The following PXN variants were observed in gnomAD, a reference collection of about 807,000 sequenced individuals.
The protein encoded by PXN is paxillin.
A neutral mutation model predicts 103.6 loss-of-function variants in PXN; 61 were observed. The ratio of observed to expected loss-of-function variants is 0.59; its 90% confidence interval spans 0.48 to 0.73. PXN has a LOEUF of 0.73. Ranked by LOEUF, PXN falls within the 30% of genes least tolerant of loss-of-function variation. The pLI, the probability that PXN is intolerant of heterozygous loss-of-function variation, is 0.00. For synonymous variants in PXN, 562 were observed against 607.8 expected (o/e 0.92, Z 1.11); for missense variants, 1,274 against 1,460.3 (o/e 0.87, Z 2.08).
chr12:120,245,675 C>G (rs1471866220), intron 1 of PXN, among the ~76,000 whole-genome samples: 1 of 150,266 alleles, frequency 6.7e-6, no homozygotes, highest in Non-Finnish European at 1.5e-5. Flanking sequence ...GTAGTCCCAG[C>G]TACTTGGGAG....
Position 120,216,541 on chromosome 12 carries a change from GTTC to G in PXN, c.2030_2032del (p.Arg677del), listed in dbSNP as rs1566364326. ...AGAAGGAGAAGCCAGGACAGAGATG[GTTC>G]TTCTCAGGGGAATGGGAGAGCCAGG... On this transcript the variant is annotated inframe_deletion, in exon 9 of 15. Transcript: ENST00000637617. This position sits in a 1 kb window ranked among gnomAD's most constrained non-coding sequence, Gnocchi z 5.1. The G allele has an allele frequency of 1.9e-5, 27 of 1,412,732 alleles. No individual in the cohort carries two copies. The highest frequency in any genetic ancestry group is 2.4e-5 in the Non-Finnish European group (26 of 1,092,228). The allele number at this position is 1,412,732 out of a possible 1,614,324, so 87.5% of individuals were successfully genotyped here.
In PXN at chr12:120,212,872, G is replaced by A; in HGVS notation, c.2980-292C>T. 1 of 306,054 alleles carries A rather than the reference G, an allele frequency of 3.3e-6. No homozygotes were observed. Among genetic ancestry groups the A allele is most frequent in the Non-Finnish European group, 6.1e-6 (1 of 164,692 alleles). 19.0% of individuals were successfully genotyped at this position (306,054 alleles called of 1,614,324 possible). On this transcript the variant is annotated intron_variant, in intron 14 of 14. Transcript: ENST00000637617. The surrounding 1 kb of genome is among the most constrained non-coding windows in gnomAD (Gnocchi z 7.2). ...CTGGGATTATTTAGTTCTCCCAACA[G>A]GGGAGGCAACTGAAGCACACAGGTG...
chr12:120,256,681 C>A (rs970165845), intron 1 of PXN, among the ~76,000 whole-genome samples: 1 of 152,090 alleles, frequency 6.6e-6, no homozygotes. Flanking sequence ...AGGCATTACA[C>A]CCATTTCATA....
At chr12:120,227,230 G>A (rs762521133) in intron 1 of PXN, 2 of 875,844 alleles carry the variant, frequency 2.3e-6, no homozygotes, top group Non-Finnish European at 2.7e-6. Context: ...GCTGGGTGTG[G>A]TGGCGCATGC....
In PXN at chr12:120,215,350, T is replaced by G. The variant is rs1882410784; in HGVS notation, c.2404-77A>C. 6.6e-7 allele frequency: 1 copy of G among 1,519,740 alleles called. No individual in the cohort carries two copies. Among genetic ancestry groups the G allele is most frequent in the African/African-American group, 1.4e-5 (1 of 72,552 alleles). 94.1% of individuals were successfully genotyped at this position (1,519,740 alleles called of 1,614,324 possible). On this transcript the variant is annotated intron_variant, in intron 10 of 14. Coordinates refer to ENST00000637617, the MANE Select transcript of PXN (RefSeq NM_001385981.1). This position sits in a 1 kb window ranked among gnomAD's most constrained non-coding sequence, Gnocchi z 4.9. ...TCTGGCAGCACAGGGATGGGGGTAC[T>G]TTTCTCCCTCCTGGACAGATGAGCT...
At chr12:120,257,865 C>T (rs148874683) in intron 1 of PXN, among the ~76,000 whole-genome samples, 2 of 152,170 alleles carry the variant, frequency 1.3e-5, no homozygotes, top group Non-Finnish European at 2.9e-5. Context: ...CCACAGGCCT[C>T]AAGCTGCCCA....
At position 120,219,478 on chromosome 12, in the gene PXN, G is replaced by A. The variant is rs372339319; in HGVS notation, c.1445C>T (p.Thr482Met). ...CTCCTGCTGTAGGCCATGTTCCTCC[G>A]TGAGAGTCCAGGTATCTGGGAAGAT... is the stretch of plus-strand genomic sequence containing the variant. ...QAIFPDTWTL[T>M]EEHGLQQERP... Residue 482 changes from threonine to methionine, a missense_variant, in exon 7 of 15, where the codon ACG (threonine) becomes ATG (methionine). Thr to Met is a moderately conservative substitution (Grantham distance 81). Coordinates refer to ENST00000637617, the MANE Select transcript of PXN (RefSeq NM_001385981.1). This position sits in a 1 kb window ranked among gnomAD's most constrained non-coding sequence, Gnocchi z 6.5. 2.2e-5 allele frequency: 35 copies of A among 1,598,212 alleles called. No individual in the cohort carries two copies. The highest frequency in any genetic ancestry group is 1.7e-4 in the African/African-American group (13 of 75,056).
At chr12:120,260,699 C>T (rs1288423356) in intron 1 of PXN, among the ~76,000 whole-genome samples, 3 of 152,212 alleles carry the variant, frequency 2.0e-5, no homozygotes, top group Non-Finnish European at 2.9e-5. Flanking sequence ...GGCACAATGG[C>T]TCATGCCTGT....
In PXN at chr12:120,216,752, C is replaced by T; in HGVS notation, c.1992+89G>A. ...AACCCCCACCCTCTCCCCAGATCTC[C>T]CCTCCGGCCAGCACTGGGGCCAGGG... On this transcript the variant is annotated intron_variant, in intron 8 of 14. Coordinates refer to ENST00000637617, the MANE Select transcript of PXN (RefSeq NM_001385981.1). The surrounding 1 kb of genome is among the most constrained non-coding windows in gnomAD (Gnocchi z 5.1). 6.3e-7 allele frequency: 1 copy of T among 1,594,666 alleles called. No homozygotes were observed. Among genetic ancestry groups the T allele is most frequent in the Non-Finnish European group, 8.5e-7 (1 of 1,178,546 alleles).
At chr12:120,257,464 A>C (rs1193656035) in intron 1 of PXN, among the ~76,000 whole-genome samples, 1 of 152,164 alleles carries the variant, frequency 6.6e-6, no homozygotes, top group Non-Finnish European at 1.5e-5. Context: ...GCACGCTGAC[A>C]TAGATGACAT....
Position 120,219,250 on chromosome 12 carries a change from A to C in PXN, c.1673T>G (p.Met558Arg). 1 of 1,597,248 alleles carries C rather than the reference A, an allele frequency of 6.3e-7. No homozygotes were observed. The highest frequency in any genetic ancestry group is 8.5e-7 in the Non-Finnish European group (1 of 1,179,012). Residue 558 changes from methionine to arginine, a missense_variant, in exon 7 of 15, where the codon ATG becomes AGG. Transcript: ENST00000637617. This position sits in a 1 kb window ranked among gnomAD's most constrained non-coding sequence, Gnocchi z 6.5. ...EQPELPCAMA[M>R]GTPSTTERIS... ...CCTCTCCGTGGTGCTGGGTGTGCCC[A>C]TGGCCATGGCACATGGAAGCTCTGG...
intron 1 of PXN, among the ~76,000 whole-genome samples, chr12:120,243,791 T>C (rs927088825): frequency 6.6e-6 from 1 of 152,150 alleles, no homozygotes; most frequent in Admixed American, 6.6e-5. Context: ...TCCATTCCTT[T>C]GAGTTCCCAA....
Position 120,265,662 on chromosome 12 carries a change from C to A in PXN, c.-33G>T, listed in dbSNP as rs570046079. 8.9e-5 allele frequency: 130 copies of A among 1,457,130 alleles called. No homozygotes were observed. The African/African-American group carries it at 1.7e-3, about 18-fold the overall frequency. 90.3% of individuals were successfully genotyped at this position (1,457,130 alleles called of 1,614,324 possible). On this transcript the variant is annotated 5_prime_UTR_variant, in exon 1 of 15. Coordinates refer to ENST00000637617, the MANE Select transcript of PXN (RefSeq NM_001385981.1). This position sits in a 1 kb window ranked among gnomAD's most constrained non-coding sequence, Gnocchi z 5.7. The stretch of plus-strand genomic sequence containing the variant: ...CCACGGGCGCCGGCTCAGGGTCGCG[C>A]TAGCTGCCCGTCCCGGGGCCGCTCG...
In PXN at chr12:120,224,656, G is replaced by A. The variant is rs1886302382; in HGVS notation, c.14-279C>T. The A allele has an allele frequency of 3.1e-6, 2 of 655,316 alleles. No homozygotes were observed. Among genetic ancestry groups the A allele is most frequent in the Non-Finnish European group, 5.6e-6 (2 of 355,172 alleles). 40.6% of individuals were successfully genotyped at this position (655,316 alleles called of 1,614,324 possible). A position where few individuals can be genotyped will look rare whatever the true frequency, so the allele number is the denominator to read the frequency against. On this transcript the variant is annotated intron_variant, in intron 1 of 14. Coordinates refer to ENST00000637617, the MANE Select transcript of PXN (RefSeq NM_001385981.1). This position sits in a 1 kb window ranked among gnomAD's most constrained non-coding sequence, Gnocchi z 5.0. ...GGGATCTCCTACCTCTGGGAGTCAG[G>A]CACCTGGCACTGCGTTCCCTCCTGA...
At position 120,228,751 on chromosome 12, in the gene PXN, AGAG is replaced by A. The variant is rs1887421970; in HGVS notation, c.14-4377_14-4375del. ...GTGACATGCAGGGCTCTGGAGAACC[AGAG>A]GGGTGCACGCCCTCGCTTCCAGGGC... is the stretch of plus-strand genomic sequence containing the variant. On this transcript the variant is annotated intron_variant, in intron 1 of 14. Coordinates refer to ENST00000637617, the MANE Select transcript of PXN (RefSeq NM_001385981.1). The surrounding 1 kb of genome is among the most constrained non-coding windows in gnomAD (Gnocchi z 4.7). Among the ~76,000 whole-genome samples, 5 of 152,350 alleles carry A rather than the reference AGAG, an allele frequency of 3.3e-5. No homozygotes were observed. Among genetic ancestry groups the A allele is most frequent in the Admixed American group, 2.0e-4 (3 of 15,308 alleles).
At position 120,222,881 on chromosome 12, in the gene PXN, G is replaced by T; in HGVS notation, c.475C>A (p.Pro159Thr). Residue 159 changes from proline (P) to threonine (T), a missense_variant, in exon 4 of 15, where the codon CCG becomes ACG. Pro to Thr is a conservative substitution (Grantham distance 38). Transcript: ENST00000637617. The surrounding 1 kb of genome is among the most constrained non-coding windows in gnomAD (Gnocchi z 4.7). ...GTCCTACCTGCAGGGAAGCCTGGCG[G>T]GTTATGCTGTACAGCGTTCAGTTCC... ...LLELNAVQHN[P>T]PGFPADEANS... is the part of the protein sequence containing the mutation. The T allele has an allele frequency of 6.2e-7, 1 of 1,613,900 alleles. No individual in the cohort carries two copies. The highest frequency in any genetic ancestry group is 1.1e-5 in the South Asian group (1 of 91,076).
intron 1 of PXN, among the ~76,000 whole-genome samples, chr12:120,239,883 G>A (rs1314885598): frequency 6.6e-6 from 1 of 151,586 alleles, no homozygotes; most frequent in African/African-American, 2.4e-5. Context: ...AGCAACACTG[G>A]TCTGCTTGGC....
intron 1 of PXN, among the ~76,000 whole-genome samples, chr12:120,254,544 CTTTTGTTTTTG>C (rs1436174938): frequency 1.3e-5 from 2 of 151,992 alleles, no homozygotes; most frequent in Non-Finnish European, 1.5e-5. Flanking sequence ...TTTAGTGGTT[CTTTTGTTTTTG>C]TTTTGTTTTT....
Position 120,220,873 on chromosome 12 carries a change from GC to G in PXN, c.831+749del, listed in dbSNP as rs1566378692. ...TCCCCTCTCATATTCCCTAGGTCAT[GC>G]CCCAAAGGTCTCCAGCTGACCCACG... On this transcript the variant is annotated intron_variant, in intron 6 of 14. Coordinates refer to ENST00000637617, the MANE Select transcript of PXN (RefSeq NM_001385981.1). This position sits in a 1 kb window ranked among gnomAD's most constrained non-coding sequence, Gnocchi z 6.1. Among the ~76,000 whole-genome samples, 1 of 152,192 alleles carries G rather than the reference GC, an allele frequency of 6.6e-6. No individual in the cohort carries two copies. Among genetic ancestry groups the G allele is most frequent in the Non-Finnish European group, 1.5e-5 (1 of 68,042 alleles).
Sources: allele counts gnomAD v4.1 joint callset (sites outside exome capture counted in the v4.1 genomes callset), GRCh38; gene constraint gnomAD v4.1.1; non-coding constraint Gnocchi (gnomAD v3.1); transcripts MANE v1.5; gene names NCBI Gene and HGNC (gene_info 2026-07-23, HGNC 2026-07-21).